GALNT13: variants seen among roughly 807,000 people sequenced by gnomAD.
GALNT13 encodes polypeptide N-acetylgalactosaminyltransferase 13.
A neutral mutation model predicts 64.2 loss-of-function variants in GALNT13; 28 were observed. That is an observed-to-expected ratio of 0.44 (90% CI 0.32 to 0.60). The LOEUF (loss-of-function observed/expected upper bound fraction) is 0.60, where lower values mean the gene tolerates loss of function less well. GALNT13 is among the 20% of genes least tolerant of loss of function. GALNT13 has a pLI of 0.05. For missense variants in GALNT13, 577 were observed against 669.8 expected (o/e 0.86, Z 1.53); for synonymous variants, 214 against 224.6 (o/e 0.95, Z 0.42).
chr2:154,435,615 C>T (rs1316664796), intron 11 of GALNT13, among the ~76,000 whole-genome samples: 2 of 152,118 alleles, frequency 1.3e-5, no homozygotes, highest in African/African-American at 4.8e-5. Context: ...AACTCTCTCT[C>T]GGGACTTGTG....
At chr2:153,083,790 C>T in the GALNT13 span, among the ~76,000 whole-genome samples, 721 of 152,260 alleles carry the variant, frequency 4.7e-3, 10 homozygotes, top group African/African-American at 0.016. Flanking sequence ...GCTTTGAGTT[C>T]TTGCTCATGA....
intron 3 of GALNT13, among the ~76,000 whole-genome samples, chr2:154,095,868 G>A (rs1702048530): frequency 6.6e-6 from 1 of 151,844 alleles, no homozygotes; most frequent in African/African-American, 2.4e-5. Flanking sequence ...GTTCAATATT[G>A]TGATTTTCAA....
chr2:153,559,120 C>T, the GALNT13 span, among the ~76,000 whole-genome samples: 16 of 151,874 alleles, frequency 1.1e-4, no homozygotes, highest in African/African-American at 3.4e-4. Flanking sequence ...GAGTATGGAC[C>T]GCTAATAAAA....
In GALNT13 at chr2:153,884,805, A is replaced by ATGTG. The variant is rs1365077072; in HGVS notation, c.-177+12514_-177+12517dup. Among the ~76,000 whole-genome samples the ATGTG allele has an allele frequency of 1.0e-3, 134 of 133,642 alleles. 2 individuals carry two copies. The highest frequency in any genetic ancestry group is 1.2e-3 in the Non-Finnish European group (78 of 64,730). 87.7% of individuals were successfully genotyped at this position (133,642 alleles called of 152,430 possible). The stretch of plus-strand genomic sequence containing the variant: ...TATATATGTGTGTGTATATATATAT[A>ATGTG]TGTGTGTGTGTGTGTATATATATGT... On this transcript the variant is annotated intron_variant, in intron 1 of 12. Coordinates refer to ENST00000392825, the MANE Select transcript of GALNT13 (RefSeq NM_052917.4).
At chr2:153,120,401 A>G in the GALNT13 span, among the ~76,000 whole-genome samples, 1 of 152,158 alleles carries the variant, frequency 6.6e-6, no homozygotes. Flanking sequence ...AATTATTTGG[A>G]TCTTTTAAGT....
the GALNT13 span, among the ~76,000 whole-genome samples, chr2:153,132,781 G>A: frequency 6.6e-6 from 1 of 152,142 alleles, no homozygotes; most frequent in Non-Finnish European, 1.5e-5. Context: ...GTGCAGTGGT[G>A]TGAACATGGC....
the GALNT13 span, among the ~76,000 whole-genome samples, chr2:153,735,421 G>A: frequency 6.6e-6 from 1 of 151,982 alleles, no homozygotes; most frequent in Non-Finnish European, 1.5e-5. Flanking sequence ...ATGAAAAATA[G>A]GTAAAGTTGA....
At chr2:153,274,470 C>T in the GALNT13 span, among the ~76,000 whole-genome samples, 5 of 152,150 alleles carry the variant, frequency 3.3e-5, no homozygotes, top group Admixed American at 2.6e-4. Flanking sequence ...GAAGGAGATA[C>T]TTGTAGGAGA....
chr2:153,146,690 A>G, the GALNT13 span, among the ~76,000 whole-genome samples: 1 of 151,844 alleles, frequency 6.6e-6, no homozygotes, highest in Non-Finnish European at 1.5e-5. Context: ...CTTCAGCTAG[A>G]TGTTTCAAAT....
At chr2:154,331,898 A>C (rs2105195872) in intron 9 of GALNT13, among the ~76,000 whole-genome samples, 1 of 152,244 alleles carries the variant, frequency 6.6e-6, no homozygotes, top group South Asian at 2.1e-4. Context: ...GAAAGACACA[A>C]GAGCTCTGGA....
the GALNT13 span, among the ~76,000 whole-genome samples, chr2:153,318,113 A>G: frequency 2.5e-5 from 3 of 121,706 alleles, no homozygotes; most frequent in Non-Finnish European, 4.9e-5. Context: ...GCAAAGATGT[A>G]TTAGGAGAGT....
At chr2:154,356,247 T>A (rs77469507) in intron 9 of GALNT13, among the ~76,000 whole-genome samples, 1,781 of 152,122 alleles carry the variant, frequency 0.012, 19 homozygotes, top group Non-Finnish European at 0.019. Context: ...CTTAGAACTC[T>A]TTTTAAAAAA....
intron 2 of GALNT13, among the ~76,000 whole-genome samples, chr2:153,903,330 A>G (rs990225969): frequency 2.0e-5 from 3 of 152,080 alleles, no homozygotes; most frequent in Non-Finnish European, 2.9e-5. Flanking sequence ...ACTAATTTTG[A>G]CGAGGGAAAA....
the GALNT13 span, among the ~76,000 whole-genome samples, chr2:153,572,433 A>G: frequency 1.3e-5 from 2 of 150,386 alleles, no homozygotes; most frequent in Non-Finnish European, 3.0e-5. Context: ...TGTACTTTCA[A>G]TTTTATTTAT....
At chr2:154,168,935 T>A (rs1685194241) in intron 4 of GALNT13, among the ~76,000 whole-genome samples, 1 of 152,062 alleles carries the variant, frequency 6.6e-6, no homozygotes, top group African/African-American at 2.4e-5. Flanking sequence ...TGCCAGCACA[T>A]ACATCTGGAG....
At chr2:154,013,641 G>T (rs1213243370) in intron 3 of GALNT13, among the ~76,000 whole-genome samples, 1 of 152,124 alleles carries the variant, frequency 6.6e-6, no homozygotes, top group Non-Finnish European at 1.5e-5. Flanking sequence ...ACGAGGTTCT[G>T]GAATCTGTGC....
At chr2:154,043,412 T>G (rs34553722) in intron 3 of GALNT13, among the ~76,000 whole-genome samples, 41,692 of 80,922 alleles carry the variant, frequency 0.52, 8,499 homozygotes, top group Middle Eastern at 0.62. Flanking sequence ...CTATAAGGAC[T>G]TTTATATATA....
chr2:153,678,304 TAAATA>T, the GALNT13 span, among the ~76,000 whole-genome samples: 5 of 151,822 alleles, frequency 3.3e-5, no homozygotes, highest in African/African-American at 1.2e-4. Context: ...GAAAAGTAGA[TAAATA>T]AAATGTGGTA....
At chr2:153,674,890 A>G in the GALNT13 span, among the ~76,000 whole-genome samples, 2 of 152,358 alleles carry the variant, frequency 1.3e-5, no homozygotes, top group African/African-American at 4.8e-5. Flanking sequence ...AGCGAAGGAT[A>G]TGAACAGACA....
Sources: allele counts gnomAD v4.1 joint callset (sites outside exome capture counted in the v4.1 genomes callset), GRCh38; gene constraint gnomAD v4.1.1; transcripts MANE v1.5; gene names NCBI Gene and HGNC (gene_info 2026-07-23, HGNC 2026-07-21).